Variants in PLCB1 observed in about 807,000 individuals in gnomAD.
PLCB1 encodes 1-phosphatidylinositol 4,5-bisphosphate phosphodiesterase beta-1.
Under a neutral mutation model 161.8 loss-of-function variants are expected in PLCB1, and 46 were observed. The ratio of observed to expected loss-of-function variants is 0.28; its 90% CI spans 0.22 to 0.36. PLCB1 has a LOEUF of 0.36. PLCB1 is among the 10% of genes least tolerant of loss of function. PLCB1 has a pLI of 1.00. For synonymous variants in PLCB1, 517 were observed against 503.7 expected, an observed-to-expected ratio of 1.03 and a Z score of -0.35; for missense variants, 1,016 against 1,472.5, an observed-to-expected ratio of 0.69 and a Z score of 5.07.
At chr20:8,417,658 G>A (rs79350865) in intron 3 of PLCB1, among the ~76,000 whole-genome samples, 3,959 of 152,158 alleles carry the variant, frequency 0.026, 162 homozygotes, top group African/African-American at 0.084. Flanking sequence ...CCCATGAAAT[G>A]ATATACAATC....
intron 3 of PLCB1, among the ~76,000 whole-genome samples, chr20:8,572,636 A>G (rs1986557031): frequency 6.6e-6 from 1 of 152,362 alleles, no homozygotes; most frequent in South Asian, 2.1e-4. Flanking sequence ...GCAAAGAACA[A>G]TGGACATGTA....
intron 3 of PLCB1, among the ~76,000 whole-genome samples, chr20:8,485,660 G>A (rs1982688417): frequency 6.6e-6 from 1 of 152,228 alleles, no homozygotes; most frequent in Non-Finnish European, 1.5e-5. Context: ...ACTTGGGCAT[G>A]AATGAGCACA....
chr20:8,263,899 C>T (rs6055701), intron 2 of PLCB1, among the ~76,000 whole-genome samples: 6 of 152,202 alleles, frequency 3.9e-5, no homozygotes, highest in African/African-American at 1.2e-4. Context: ...ATGTACACTA[C>T]TAGAGAATTT....
intron 2 of PLCB1, among the ~76,000 whole-genome samples, chr20:8,157,715 A>AT (rs1182207604): frequency 2.6e-5 from 4 of 152,094 alleles, no homozygotes; most frequent in East Asian, 1.9e-4. Flanking sequence ...GTGATGTATG[A>AT]TTTTTTTGGT....
intron 10 of PLCB1, among the ~76,000 whole-genome samples, chr20:8,692,450 G>A (rs1009500889): frequency 6.6e-6 from 1 of 152,206 alleles, no homozygotes; most frequent in Non-Finnish European, 1.5e-5. Context: ...ACAGGGCCCA[G>A]TTTAAAATGG....
At chr20:8,703,919 G>T (rs1978512988) in intron 11 of PLCB1, among the ~76,000 whole-genome samples, 1 of 152,168 alleles carries the variant, frequency 6.6e-6, no homozygotes, top group African/African-American at 2.4e-5. Flanking sequence ...ATTAGAGGAG[G>T]GGAGGAGGGG....
chr20:8,409,074 G>A (rs1322197325), intron 3 of PLCB1, among the ~76,000 whole-genome samples: 1 of 152,118 alleles, frequency 6.6e-6, no homozygotes, highest in East Asian at 1.9e-4. Context: ...GACTGATTTG[G>A]AGAGACCACA....
chr20:8,369,017 C>T (rs1197395375), intron 2 of PLCB1, among the ~76,000 whole-genome samples: 1 of 152,154 alleles, frequency 6.6e-6, no homozygotes, highest in East Asian at 1.9e-4. Context: ...TGCTTGTGAA[C>T]TCATCGAAAC....
intron 3 of PLCB1, among the ~76,000 whole-genome samples, chr20:8,383,216 C>T (rs770829017): frequency 6.6e-6 from 1 of 152,184 alleles, no homozygotes; most frequent in Non-Finnish European, 1.5e-5. Context: ...AACCTGGATG[C>T]TCCTGTATTG....
intron 11 of PLCB1, among the ~76,000 whole-genome samples, chr20:8,699,079 C>T (rs1990644032): frequency 6.6e-6 from 1 of 152,114 alleles, no homozygotes; most frequent in Non-Finnish European, 1.5e-5. Context: ...TTGTGGGCTT[C>T]AGGGAACATG....
chr20:8,332,892 G>A (rs1007853593), intron 2 of PLCB1, among the ~76,000 whole-genome samples: 2 of 152,152 alleles, frequency 1.3e-5, no homozygotes, highest in Non-Finnish European at 1.5e-5. Context: ...TAACTTTTAG[G>A]ATCTTATTTG....
intron 9 of PLCB1, among the ~76,000 whole-genome samples, chr20:8,666,392 G>A (rs1374615793): frequency 6.6e-6 from 1 of 152,088 alleles, no homozygotes; most frequent in East Asian, 1.9e-4. Flanking sequence ...GTGAAAGATG[G>A]GTAAGGTCAG....
At chr20:8,192,510 ATTT>A (rs1555789187) in intron 2 of PLCB1, among the ~76,000 whole-genome samples, 1 of 143,970 alleles carries the variant, frequency 6.9e-6, no homozygotes, top group African/African-American at 2.6e-5. Flanking sequence ...GCATTGGTAG[ATTT>A]TTTTTTTTTT....
chr20:8,671,460 A>G (rs1412346195), intron 9 of PLCB1, among the ~76,000 whole-genome samples: 1 of 152,176 alleles, frequency 6.6e-6, no homozygotes, highest in Non-Finnish European at 1.5e-5. Context: ...ACATCTTTAA[A>G]TTACTTGCAG....
At chr20:8,827,982 A>T (rs1395585795) in intron 31 of PLCB1, among the ~76,000 whole-genome samples, 1 of 152,228 alleles carries the variant, frequency 6.6e-6, no homozygotes, top group Non-Finnish European at 1.5e-5. Flanking sequence ...CTGGCTCTTT[A>T]AGAAAAGTTT....
At chr20:8,316,068 T>G (rs1158091683) in intron 2 of PLCB1, among the ~76,000 whole-genome samples, 1 of 152,218 alleles carries the variant, frequency 6.6e-6, no homozygotes, top group East Asian at 1.9e-4. Flanking sequence ...TTTACTCACC[T>G]TGAATAAGCA....
intron 3 of PLCB1, among the ~76,000 whole-genome samples, chr20:8,431,594 T>C (rs1980044662): frequency 6.6e-6 from 1 of 152,166 alleles, no homozygotes. Flanking sequence ...GATTTCAGAA[T>C]CATGGTAAGG....
At chr20:8,162,888 T>C (rs181877533) in intron 2 of PLCB1, among the ~76,000 whole-genome samples, 2 of 152,372 alleles carry the variant, frequency 1.3e-5, no homozygotes, top group East Asian at 3.9e-4. Context: ...TTCAGCGTTA[T>C]ATTGTGAATA....
intron 2 of PLCB1, among the ~76,000 whole-genome samples, chr20:8,173,892 A>T (rs1285055969): frequency 6.6e-6 from 1 of 152,234 alleles, no homozygotes; most frequent in African/African-American, 2.4e-5. Context: ...AGTGGAAATG[A>T]TAGAAGATAG....
Sources: gnomAD v4.1 joint callset for allele counts (sites outside exome capture counted in the v4.1 genomes callset) on GRCh38, gnomAD v4.1.1 for gene constraint, MANE v1.5 for transcripts, NCBI Gene and HGNC (gene_info 2026-07-23, HGNC 2026-07-21) for gene names.